ACBD3: variants seen among roughly 807,000 people sequenced by gnomAD.
The protein encoded by ACBD3 is acyl-CoA binding domain containing 3.
Under a neutral mutation model 66.9 loss-of-function variants are expected in ACBD3, and 30 were observed. The ratio of observed to expected loss-of-function variants is 0.45; its 90% CI spans 0.34 to 0.61. ACBD3 has a LOEUF of 0.61. Among genes scored for constraint, ACBD3 ranks in the 20% least tolerant of loss-of-function variants. The probability of loss-of-function intolerance (pLI) is 0.02; values close to 1 mark genes in which losing one functional copy is unlikely to be tolerated. For missense variants in ACBD3, 544 were observed against 664.5 expected, an observed-to-expected ratio of 0.82 and a Z score of 1.99; for synonymous variants, 278 against 259.8, an observed-to-expected ratio of 1.07 and a Z score of -0.68.
At chr1:226,151,389 A>G (rs991612950) in intron 7 of ACBD3, among the ~76,000 whole-genome samples, 2 of 152,236 alleles carry the variant, frequency 1.3e-5, no homozygotes, top group African/African-American at 4.8e-5. Flanking sequence ...CCTACATTCT[A>G]ACTTTCCTGG....
intron 6 of ACBD3, among the ~76,000 whole-genome samples, chr1:226,152,985 A>G (rs768837053): frequency 6.6e-6 from 1 of 152,214 alleles, no homozygotes. Context: ...TTTAGGAATA[A>G]ATTACTCTTG....
At position 226,184,183 on chromosome 1, in the gene ACBD3, ACT is replaced by A. The variant is rs372066412; in HGVS notation, c.286+2205_286+2206del. ...ACTCCAGCCTGGGCGACAGAGTGAG[ACT>A]CTATCTCAAAAACAAAAAACAAAAC... On this transcript the variant is annotated intron_variant, in intron 1 of 7. Transcript: ENST00000366812. Among the ~76,000 whole-genome samples, 49 of 152,172 alleles carry A rather than the reference ACT, an allele frequency of 3.2e-4. No individual in the cohort carries two copies. In the East Asian group the frequency reaches 7.9e-3, roughly 25 times the overall value.
At chr1:226,154,491 C>T (rs1320704511) in intron 6 of ACBD3, 156 bp downstream of exon 6, 1 of 802,236 alleles carries the variant, frequency 1.2e-6, no homozygotes, top group African/African-American at 1.7e-5. Flanking sequence ...TATGAGTCAC[C>T]AGAGCATTAG....
chr1:226,185,286 T>C (rs1010247960), intron 1 of ACBD3, among the ~76,000 whole-genome samples: 1 of 152,220 alleles, frequency 6.6e-6, no homozygotes, highest in African/African-American at 2.4e-5. Flanking sequence ...GGAAAATTTA[T>C]AAAACTTTCA....
At chr1:226,149,984 A>C (rs1485728330) in intron 7 of ACBD3, among the ~76,000 whole-genome samples, 1 of 152,004 alleles carries the variant, frequency 6.6e-6, no homozygotes, top group Non-Finnish European at 1.5e-5. Flanking sequence ...TGAAGGTCAC[A>C]TGAGAAAACA....
intron 1 of ACBD3, among the ~76,000 whole-genome samples, chr1:226,178,014 T>C (rs1483040560): frequency 1.3e-5 from 2 of 152,074 alleles, no homozygotes; most frequent in Non-Finnish European, 2.9e-5. Context: ...CCCAAAGTGC[T>C]GGGATTACAG....
intron 1 of ACBD3, 50 bp downstream of exon 1, chr1:226,186,340 G>A (rs1036922448): frequency 1.4e-6 from 2 of 1,467,160 alleles, no homozygotes; most frequent in Non-Finnish European, 1.8e-6. Context: ...GCCCACGCCG[G>A]GCTCCCGGGG....
intron 1 of ACBD3, among the ~76,000 whole-genome samples, chr1:226,184,235 C>G (rs914788970): frequency 6.6e-6 from 1 of 152,154 alleles, no homozygotes; most frequent in Non-Finnish European, 1.5e-5. Context: ...TTGGCTCACT[C>G]CACATTCCAT....
intron 3 of ACBD3, among the ~76,000 whole-genome samples, chr1:226,162,075 A>G (rs771956855): frequency 6.6e-6 from 1 of 152,222 alleles, no homozygotes; most frequent in Non-Finnish European, 1.5e-5. Flanking sequence ...ATTACCCATT[A>G]AACTAGATGC....
intron 1 of ACBD3, among the ~76,000 whole-genome samples, chr1:226,178,367 G>A (rs1428991697): frequency 6.6e-6 from 1 of 151,584 alleles, no homozygotes; most frequent in Non-Finnish European, 1.5e-5. Context: ...TCAGGAGTTC[G>A]AGACCATCCT....
At chr1:226,177,384 G>A (rs58851729) in intron 1 of ACBD3, among the ~76,000 whole-genome samples, 4 of 147,222 alleles carry the variant, frequency 2.7e-5, no homozygotes, top group Admixed American at 6.8e-5. Flanking sequence ...TTTAAGTAGA[G>A]ACGGGTTTCA....
chr1:226,154,633 T>C lies in ACBD3; in HGVS notation c.1090+14A>G. The C allele has an allele frequency of 1.9e-6, 3 of 1,601,976 alleles. No individual in the cohort carries two copies. The South Asian group carries it at 3.4e-5, about 18-fold the overall frequency. On this transcript the variant is annotated intron_variant, in intron 6 of 7. Coordinates refer to ENST00000366812, the MANE Select transcript of ACBD3 (RefSeq NM_022735.4). ...GAATTATGACATCTGGACAAACACA[T>C]ATGCAAAACCTACCTTTTGGTCCAT...
intron 5 of ACBD3, among the ~76,000 whole-genome samples, chr1:226,156,880 T>C (rs1659683457): frequency 6.6e-6 from 1 of 152,186 alleles, no homozygotes; most frequent in South Asian, 2.1e-4. Flanking sequence ...AAATGGTCCC[T>C]CATCTCCACT....
intron 1 of ACBD3, among the ~76,000 whole-genome samples, chr1:226,181,072 T>C (rs773933753): frequency 8.5e-5 from 13 of 152,114 alleles, no homozygotes; most frequent in Non-Finnish European, 1.8e-4. Context: ...AAGTTTTGGT[T>C]CAGCTCAAAT....
At chr1:226,161,201 C>T (rs908812774) in intron 4 of ACBD3, among the ~76,000 whole-genome samples, 11 of 145,222 alleles carry the variant, frequency 7.6e-5, no homozygotes, top group African/African-American at 2.1e-4. Flanking sequence ...TGCAATGGCG[C>T]GATCTCGGCT....
chr1:226,161,546 C>T lies in ACBD3; in HGVS notation c.713G>A (p.Arg238Gln), dbSNP rs771793485. 7 of 1,613,440 alleles carry T rather than the reference C, an allele frequency of 4.3e-6. No homozygotes were observed. Among genetic ancestry groups the T allele is most frequent in the Non-Finnish European group, 5.1e-6 (6 of 1,179,952 alleles). The change falls in exon 4 of 8, where the codon CGG becomes CAG. Residue 238 changes from arginine (R) to glutamine (Q), a missense_variant. By Grantham distance (43) the Arg-to-Gln change is conservative. Coordinates refer to ENST00000366812, the MANE Select transcript of ACBD3 (RefSeq NM_022735.4). ...ATAAACTTACTTTTGCTGCTCCAAC[C>T]GAAGCCTTTCTTCTTCTATCCGTCT... The part of the protein sequence containing the change: ...ERRRIEEERL[R>Q]LEQQKQQIMA...
chr1:226,183,949 T>C (rs1471329434), intron 1 of ACBD3, among the ~76,000 whole-genome samples: 1 of 149,728 alleles, frequency 6.7e-6, no homozygotes, highest in Non-Finnish European at 1.5e-5. Context: ...CCCAGCACTT[T>C]GGGAGGCTGA....
intron 7 of ACBD3, among the ~76,000 whole-genome samples, chr1:226,149,527 A>ATTTTT (rs1558122597): frequency 2.9e-5 from 1 of 34,186 alleles, no homozygotes; most frequent in Non-Finnish European, 5.6e-5. Flanking sequence ...GCGCCCAGCC[A>ATTTTT]TCTTTTTTTT....
In ACBD3 at chr1:226,186,572, A is replaced by G; in HGVS notation, c.104T>C (p.Leu35Pro). ...CGAGGGCGGTGGCAGCGGTGGCGGC[A>G]GCAGCGGGGCGCCCTCCGCCCCAGG... ...ERPGAEGAPLLPPPLPPPSPP... is the reference protein window; with the variant it reads ...ERPGAEGAPLPPPPLPPPSPP... The change falls in exon 1 of 8, where the codon CTG (leucine) becomes CCG (proline). Residue 35 changes from leucine to proline, a missense_variant. By Grantham distance (98) the Leu-to-Pro change is moderately conservative. Around this residue, in one of 3 missense-constraint regions of ACBD3, gnomAD observed 137 missense variants for 145.9 expected, o/e 0.94. Coordinates refer to ENST00000366812, the MANE Select transcript of ACBD3 (RefSeq NM_022735.4). 1 of 1,365,864 alleles carries G rather than the reference A, an allele frequency of 7.3e-7. No homozygotes were observed. The highest frequency in any genetic ancestry group is 9.4e-7 in the Non-Finnish European group (1 of 1,064,414). The allele number at this position is 1,365,864 out of a possible 1,614,324, so 84.6% of individuals were successfully genotyped here.
Sources: allele counts gnomAD v4.1 joint callset (sites outside exome capture counted in the v4.1 genomes callset), GRCh38; gene constraint gnomAD v4.1.1; regional missense constraint gnomAD v4.1.1; transcripts MANE v1.5; gene names NCBI Gene and HGNC (gene_info 2026-07-23, HGNC 2026-07-21).